Variants in PLCXD3 observed in about 807,000 individuals in gnomAD.
PLCXD3 encodes the protein phosphatidylinositol specific phospholipase C X domain containing 3.
A neutral mutation model predicts 25.5 loss-of-function variants in PLCXD3; 19 were observed. That is an observed-to-expected ratio of 0.75 (90% CI 0.52 to 1.09). The LOEUF is 1.09. Ranked by LOEUF, PLCXD3 falls within the 50% of genes least tolerant of loss-of-function variation. The probability of loss-of-function intolerance (pLI) is 0.00; values close to 1 mark genes in which losing one functional copy is unlikely to be tolerated. For missense variants in PLCXD3, 411 were observed against 388.1 expected, an observed-to-expected ratio of 1.06 and a Z score of -0.50; for synonymous variants, 174 against 137.6, an observed-to-expected ratio of 1.26 and a Z score of -1.85.
At chr5:41,380,252 C>G (rs1161403220) in intron 2 of PLCXD3, among the ~76,000 whole-genome samples, 1 of 152,102 alleles carries the variant, frequency 6.6e-6, no homozygotes, top group East Asian at 1.9e-4. Flanking sequence ...ACCTGTCCTG[C>G]TTATCCTGAA....
chr5:41,385,645 T>G, intron 1 of PLCXD3, among the ~76,000 whole-genome samples: 1 of 152,158 alleles, frequency 6.6e-6, no homozygotes, highest in East Asian at 1.9e-4. Flanking sequence ...TCTGTGAGTG[T>G]GGGCTGAACC....
intron 1 of PLCXD3, among the ~76,000 whole-genome samples, chr5:41,398,995 T>A (rs905572799): frequency 1.3e-5 from 2 of 152,128 alleles, no homozygotes; most frequent in African/African-American, 2.4e-5. Flanking sequence ...TAAACAAATT[T>A]AGTAAAGTTG....
chr5:41,416,300 G>C (rs377512556), intron 1 of PLCXD3, among the ~76,000 whole-genome samples: 2 of 152,348 alleles, frequency 1.3e-5, no homozygotes, highest in African/African-American at 4.8e-5. Flanking sequence ...GGCTGGAATA[G>C]AGGTTTCCTA....
intron 1 of PLCXD3, among the ~76,000 whole-genome samples, chr5:41,490,351 G>A (rs1561288470): frequency 1.3e-5 from 2 of 152,120 alleles, no homozygotes. Context: ...ATTTTATTGA[G>A]GATTTTTGCT....
chr5:41,360,049 A>G (rs768151102), intron 2 of PLCXD3, among the ~76,000 whole-genome samples: 2 of 152,038 alleles, frequency 1.3e-5, no homozygotes, highest in Non-Finnish European at 2.9e-5. Context: ...ATTCTTTTTT[A>G]TTTGTGTTTG....
chr5:41,408,071 T>A (rs1277402499), intron 1 of PLCXD3, among the ~76,000 whole-genome samples: 1 of 152,152 alleles, frequency 6.6e-6, no homozygotes, highest in Non-Finnish European at 1.5e-5. Flanking sequence ...TGACAACGAA[T>A]CATTTAACAG....
intron 2 of PLCXD3, among the ~76,000 whole-genome samples, chr5:41,317,878 G>C (rs976154328): frequency 6.6e-6 from 1 of 151,860 alleles, no homozygotes; most frequent in Non-Finnish European, 1.5e-5. Context: ...CAGAAAATAG[G>C]CTGAAAAGAC....
chr5:41,312,114 A>G lies in PLCXD3; in HGVS notation c.*1503T>C, dbSNP rs1743148460. 6.6e-6 allele frequency: 1 copy of G among 151,378 alleles called. No individual in the cohort carries two copies. Among genetic ancestry groups the G allele is most frequent in the Non-Finnish European group, 1.5e-5 (1 of 67,822 alleles). The allele number at this position is 151,378 out of a possible 1,614,324, so 9.4% of individuals were successfully genotyped here. On this transcript the variant is annotated 3_prime_UTR_variant, in exon 3 of 3. Transcript: ENST00000377801. ...TAAGTTTTTTTTTTTTATTTTTTAG[A>G]GTTGTCAAATATCACAATGACACGA... is the stretch of plus-strand genomic sequence containing the variant.
intron 2 of PLCXD3, among the ~76,000 whole-genome samples, chr5:41,322,720 T>C (rs1333384972): frequency 1.3e-5 from 2 of 152,212 alleles, no homozygotes; most frequent in African/African-American, 4.8e-5. Flanking sequence ...CCCACGCCTG[T>C]AATTCTAGCA....
chr5:41,450,870 G>T (rs1490945485), intron 1 of PLCXD3, among the ~76,000 whole-genome samples: 1 of 152,054 alleles, frequency 6.6e-6, no homozygotes. Flanking sequence ...AAAAGAAGGA[G>T]ATGGATTGCA....
intron 2 of PLCXD3, among the ~76,000 whole-genome samples, chr5:41,364,409 T>A (rs1744878495): frequency 6.6e-6 from 1 of 152,178 alleles, no homozygotes; most frequent in Non-Finnish European, 1.5e-5. Context: ...AAGAGTAAAA[T>A]TTTTTTCCAT....
chr5:41,403,991 G>T (rs1047634199), intron 1 of PLCXD3, among the ~76,000 whole-genome samples: 7 of 152,058 alleles, frequency 4.6e-5, no homozygotes, highest in Non-Finnish European at 8.8e-5. Flanking sequence ...ACAATATATG[G>T]TTGCTCAATA....
chr5:41,425,235 C>T (rs560570220), intron 1 of PLCXD3, among the ~76,000 whole-genome samples: 1 of 151,772 alleles, frequency 6.6e-6, no homozygotes, highest in Non-Finnish European at 1.5e-5. Flanking sequence ...TTACTTTCAA[C>T]CTTTTTGTGT....
chr5:41,356,679 C>A (rs1744626358), intron 2 of PLCXD3, among the ~76,000 whole-genome samples: 1 of 152,134 alleles, frequency 6.6e-6, no homozygotes, highest in South Asian at 2.1e-4. Flanking sequence ...TCTGAACAAA[C>A]CTTTTTGCCA....
At chr5:41,475,254 T>C (rs574918746) in intron 1 of PLCXD3, among the ~76,000 whole-genome samples, 2 of 152,332 alleles carry the variant, frequency 1.3e-5, no homozygotes, top group African/African-American at 4.8e-5. Context: ...ACTGAACTTA[T>C]GTTGCTGCCA....
chr5:41,489,590 T>A (rs1406646513), intron 1 of PLCXD3, among the ~76,000 whole-genome samples: 13 of 151,062 alleles, frequency 8.6e-5, no homozygotes, highest in African/African-American at 1.7e-4. Context: ...TTTGTTTGTA[T>A]CCTCTTTTAT....
At position 41,490,843 on chromosome 5, in the gene PLCXD3, T is replaced by G. The variant is rs371656293; in HGVS notation, c.103+19581A>C. 2.1e-4 allele frequency among the ~76,000 whole-genome samples: 32 copies of G among 152,340 alleles called. No homozygotes were observed. In the South Asian group the frequency reaches 6.2e-3, roughly 30 times the overall value. ...TCTCTCTTTTCTTCTTTATTAGTCT[T>G]GCTAGAAGTCTATCAATTTTGTTGA... On this transcript the variant is annotated intron_variant, in intron 1 of 2. Coordinates refer to ENST00000377801, the MANE Select transcript of PLCXD3 (RefSeq NM_001005473.3).
At chr5:41,479,919 A>G (rs1181970569) in intron 1 of PLCXD3, among the ~76,000 whole-genome samples, 1 of 152,198 alleles carries the variant, frequency 6.6e-6, no homozygotes. Flanking sequence ...ATAGAAACTA[A>G]TTATTAAATG....
intron 2 of PLCXD3, among the ~76,000 whole-genome samples, chr5:41,379,451 T>A (rs897814347): frequency 5.3e-5 from 8 of 152,080 alleles, no homozygotes; most frequent in Non-Finnish European, 7.4e-5. Context: ...GAGAGGTGAC[T>A]AGTTAGGCAA....
Sources: gnomAD v4.1 joint callset for allele counts (sites outside exome capture counted in the v4.1 genomes callset) on GRCh38, gnomAD v4.1.1 for gene constraint, MANE v1.5 for transcripts, NCBI Gene and HGNC (gene_info 2026-07-23, HGNC 2026-07-21) for gene names.